Variants in DIAPH2 observed in about 807,000 individuals in gnomAD.
The protein encoded by DIAPH2 is protein diaphanous homolog 2.
In DIAPH2, 35 loss-of-function variants were observed where a neutral mutation model predicts 92.7. The observed-to-expected ratio is 0.38, with a 90% CI of 0.29 to 0.50. The LOEUF (loss-of-function observed/expected upper bound fraction) is 0.50, where lower values mean the gene tolerates loss of function less well. DIAPH2 is among the 20% of genes least tolerant of loss of function. DIAPH2 has a pLI of 0.94. For missense variants in DIAPH2, 701 were observed against 819.5 expected, an observed-to-expected ratio of 0.86 and a Z score of 1.77; for synonymous variants, 301 against 280.4, an observed-to-expected ratio of 1.07 and a Z score of -0.73.
At chrX:97,550,218 G>T (rs937776531) in intron 26 of DIAPH2, among the ~76,000 whole-genome samples, 1 of 111,598 alleles carries the variant, frequency 9.0e-6, no homozygotes, top group African/African-American at 3.3e-5. Flanking sequence ...AATTACCTGG[G>T]TGTGGTGGCG....
intron 17 of DIAPH2, among the ~76,000 whole-genome samples, chrX:97,035,522 A>T (rs2147881815): frequency 8.9e-6 from 1 of 111,880 alleles, no homozygotes; most frequent in African/African-American, 3.2e-5. Flanking sequence ...ATCAACAAAT[A>T]GACTTCAATC....
intron 17 of DIAPH2, among the ~76,000 whole-genome samples, chrX:97,046,744 A>G (rs764995621): frequency 8.9e-6 from 1 of 112,024 alleles, no homozygotes; most frequent in African/African-American, 3.2e-5. Flanking sequence ...TACATCTTGG[A>G]CCATGGAATT....
At chrX:97,235,844 T>TTTAGGGAC (rs1569337174) in intron 22 of DIAPH2, among the ~76,000 whole-genome samples, 1 of 110,918 alleles carries the variant, frequency 9.0e-6, no homozygotes, top group Non-Finnish European at 1.9e-5. Context: ...TAATCAAGAC[T>TTTAGGGAC]TGCTTTATTT....
chrX:97,466,789 C>T (rs1392174736), intron 26 of DIAPH2, among the ~76,000 whole-genome samples: 1 of 112,128 alleles, frequency 8.9e-6, no homozygotes, highest in Non-Finnish European at 1.9e-5. Context: ...AATAGATTTA[C>T]CAAATCCATT....
intron 13 of DIAPH2, among the ~76,000 whole-genome samples, chrX:96,944,898 A>C (rs1473501587): frequency 9.0e-6 from 1 of 111,328 alleles, no homozygotes; most frequent in East Asian, 2.8e-4. Flanking sequence ...TTGATAAATA[A>C]GTGTGGAATG....
intron 17 of DIAPH2, among the ~76,000 whole-genome samples, chrX:96,972,065 A>G (rs1053850530): frequency 9.0e-6 from 1 of 111,341 alleles, no homozygotes; most frequent in African/African-American, 3.3e-5. Context: ...TCTTTTCTCT[A>G]GGGCACCTTT....
rs767044521 is a variant in DIAPH2, at chrX:96,958,162, T to A, written c.1935+14T>A. ...AATTGGTCAAAGGTAATACTAAAAC[T>A]AGAGTTTTTTTACTTTGTCTAGCTT... On this transcript the variant is annotated intron_variant, in intron 16 of 26. Coordinates refer to ENST00000324765, the MANE Select transcript of DIAPH2 (RefSeq NM_006729.5). 1.7e-6 allele frequency: 2 copies of A among 1,196,421 alleles called. No homozygotes were observed. The highest frequency in any genetic ancestry group is 3.0e-5 in the East Asian group (1 of 33,776).
chrX:97,186,655 A>G (rs2067606907), intron 22 of DIAPH2, among the ~76,000 whole-genome samples: 1 of 112,149 alleles, frequency 8.9e-6, no homozygotes, highest in Non-Finnish European at 1.9e-5. Context: ...CTTTAACACA[A>G]TTGAGAAAAG....
At chrX:97,168,997 G>A (rs775900010) in intron 22 of DIAPH2, among the ~76,000 whole-genome samples, 6 of 112,044 alleles carry the variant, frequency 5.4e-5, no homozygotes, top group Non-Finnish European at 9.4e-5. Flanking sequence ...TTTCCCAAAG[G>A]CCCTATCCCC....
chrX:96,979,364 A>G (rs1220507505), intron 17 of DIAPH2, among the ~76,000 whole-genome samples: 1 of 111,990 alleles, frequency 8.9e-6, no homozygotes, highest in East Asian at 2.8e-4. Flanking sequence ...TTCACTGACT[A>G]CCTCTTCAGG....
chrX:97,118,167 G>GA (rs751069941), intron 21 of DIAPH2, among the ~76,000 whole-genome samples: 1 of 111,795 alleles, frequency 8.9e-6, no homozygotes, highest in African/African-American at 3.2e-5. Context: ...AGAAACTGAG[G>GA]AAAGACTAAA....
At chrX:97,476,984 TACACACACACACAC>T (rs1190615516) in intron 26 of DIAPH2, among the ~76,000 whole-genome samples, 679 of 57,084 alleles carry the variant, frequency 0.012, 23 homozygotes, top group African/African-American at 0.039. Context: ...TATATATATA[TACACACACACACAC>T]ACACACACAC....
intron 17 of DIAPH2, among the ~76,000 whole-genome samples, chrX:96,970,607 T>C (rs1430489711): frequency 9.0e-6 from 1 of 111,274 alleles, no homozygotes; most frequent in African/African-American, 3.3e-5. Flanking sequence ...TTGTTTCTTA[T>C]TGTGCTTATT....
chrX:97,424,917 A>C (rs778103308), intron 25 of DIAPH2, among the ~76,000 whole-genome samples: 93 of 111,809 alleles, frequency 8.3e-4, no homozygotes, highest in African/African-American at 3.0e-3. Flanking sequence ...GAGCCACTGC[A>C]CCCAGCCTCC....
chrX:96,854,597 T>C (rs233215), intron 4 of DIAPH2, among the ~76,000 whole-genome samples: 28,589 of 61,934 alleles, frequency 0.46, 6,571 homozygotes, highest in African/African-American at 0.78. Flanking sequence ...TCTCTCTCTC[T>C]CATATATATA....
At chrX:97,246,093 T>G in intron 22 of DIAPH2, among the ~76,000 whole-genome samples, 1 of 106,354 alleles carries the variant, frequency 9.4e-6, no homozygotes, top group Non-Finnish European at 1.9e-5. Flanking sequence ...TTTTTTTTTT[T>G]GGTAGAGACA....
chrX:97,388,292 T>G (rs2069620940), intron 25 of DIAPH2, among the ~76,000 whole-genome samples: 1 of 112,020 alleles, frequency 8.9e-6, no homozygotes, highest in African/African-American at 3.2e-5. Flanking sequence ...CATATCTGTC[T>G]TTTCACATGG....
intron 17 of DIAPH2, among the ~76,000 whole-genome samples, chrX:97,014,030 A>G (rs896204180): frequency 1.8e-5 from 2 of 112,061 alleles, no homozygotes; most frequent in Non-Finnish European, 3.8e-5. Flanking sequence ...GATGCAGTGT[A>G]TTATTTCTAT....
Position 96,939,309 on chromosome X carries a change from G to A in DIAPH2, c.1252G>A (p.Asp418Asn). 1 of 1,153,024 alleles carries A rather than the reference G, an allele frequency of 8.7e-7. No individual in the cohort carries two copies. Among genetic ancestry groups the A allele is most frequent in the Non-Finnish European group, 1.2e-6 (1 of 851,920 alleles). Residue 418 changes from aspartate (D) to asparagine (N), a missense_variant, in exon 12 of 27, where the codon GAC (aspartate) becomes AAC (asparagine). This residue lies in a region of DIAPH2 where 536 missense variants were observed against 599.3 expected (regional missense o/e 0.89). Transcript: ENST00000324765. ...CCATCTTCTATATAATATGCTGAAG[G>A]ACACTGCTGCTGAAAATTACTTCTT... ...VYHLLYNMLK[D>N]TAAENYFLSI...
Sources: gnomAD v4.1 joint callset for allele counts (sites outside exome capture counted in the v4.1 genomes callset) on GRCh38, gnomAD v4.1.1 for gene constraint, gnomAD v4.1.1 regional missense constraint, MANE v1.5 for transcripts, NCBI Gene and HGNC (gene_info 2026-07-23, HGNC 2026-07-21) for gene names.